The following GMEB1 variants were observed in gnomAD, a reference collection of about 807,000 sequenced individuals.
GMEB1 encodes the protein glucocorticoid modulatory element binding protein 1, also known as glucocorticoid modulatory element-binding protein 1.
In GMEB1, 6 loss-of-function variants were observed where a neutral mutation model predicts 52.4. The observed-to-expected ratio is 0.11, with a 90% CI of 0.06 to 0.23. The LOEUF (loss-of-function observed/expected upper bound fraction) is 0.23, where lower values mean the gene tolerates loss of function less well. Ranked by LOEUF, GMEB1 falls within the 10% of genes least tolerant of loss-of-function variation. The pLI is 1.00. For missense variants in GMEB1, 486 were observed against 685.6 expected, an observed-to-expected ratio of 0.71 and a Z score of 3.25; for synonymous variants, 255 against 244.9, an observed-to-expected ratio of 1.04 and a Z score of -0.38.
At chr1:28,705,911 T>C (rs1218848502) in intron 8 of GMEB1, among the ~76,000 whole-genome samples, 4 of 151,196 alleles carry the variant, frequency 2.6e-5, no homozygotes, top group Non-Finnish European at 5.9e-5. Context: ...TCCCAGCACT[T>C]TGGGAGGCCA....
At chr1:28,689,826 T>C (rs955462582) in intron 2 of GMEB1, 1 of 299,050 alleles carries the variant, frequency 3.3e-6, no homozygotes, top group Non-Finnish European at 6.1e-6. Context: ...AAAAGTCTGG[T>C]GTAATACAGT....
intron 1 of GMEB1, among the ~76,000 whole-genome samples, chr1:28,670,053 T>A (rs1314082618): frequency 1.3e-5 from 2 of 152,154 alleles, no homozygotes; most frequent in African/African-American, 4.8e-5. Flanking sequence ...TCAAGACGGG[T>A]TTTAGGAAAA....
At chr1:28,682,196 A>G (rs1669421291) in intron 1 of GMEB1, among the ~76,000 whole-genome samples, 1 of 152,170 alleles carries the variant, frequency 6.6e-6, no homozygotes, top group Non-Finnish European at 1.5e-5. Context: ...CTGAGTTTTC[A>G]TTAAGATTGG....
At chr1:28,713,959 C>T (rs1671172601) in intron 9 of GMEB1, 114 bp from the exon 10 acceptor site, 2 of 748,042 alleles carry the variant, frequency 2.7e-6, no homozygotes, top group South Asian at 3.4e-5. Flanking sequence ...TCACAACTTG[C>T]CTGAAGCTAC....
In GMEB1 at chr1:28,719,326, C is replaced by T. The variant is rs1671346279; in HGVS notation, c.*4553C>T. 2.0e-5 allele frequency: 3 copies of T among 152,162 alleles called. No individual in the cohort carries two copies. Among genetic ancestry groups the T allele is most frequent in the Admixed American group, 2.0e-4 (3 of 15,260 alleles). The allele number at this position is 152,162 out of a possible 1,614,324, so 9.4% of individuals were successfully genotyped here. A position where few individuals can be genotyped will look rare whatever the true frequency, so the allele number is the denominator to read the frequency against. On this transcript the variant is annotated 3_prime_UTR_variant, in exon 10 of 10. Transcript: ENST00000373816. ...CAGTCATTCTGAAGTAAAAAATGGA[C>T]AATAAACATGAATATTCAAGATTCA...
In GMEB1 at chr1:28,690,129, A is replaced by G. The variant is rs748055923; in HGVS notation, c.154A>G (p.Asn52Asp). Residue 52 changes from asparagine to aspartate, a missense_variant, in exon 3 of 10, where the codon AAC (asparagine) becomes GAC (aspartate). Physicochemically the swap from Asn to Asp is conservative, Grantham distance 23 (BLOSUM62 1). Around this residue, in one of 5 missense-constraint regions of GMEB1, gnomAD observed 88 missense variants for 96.5 expected, o/e 0.91. Transcript: ENST00000373816. ...QGIYEAGSEN[N>D]TAVVAVETHT... ...GATTTATGAAGCTGGGTCGGAGAAC[A>G]ACACGGCAGTTGTAGCAGTAGAAAC... 3 of 1,605,634 alleles carry G rather than the reference A, an allele frequency of 1.9e-6. No individual in the cohort carries two copies. In the South Asian group the frequency reaches 3.4e-5, roughly 18 times the overall value.
At chr1:28,669,698 G>T (rs1668795874) in intron 1 of GMEB1, among the ~76,000 whole-genome samples, 1 of 152,114 alleles carries the variant, frequency 6.6e-6, no homozygotes, top group African/African-American at 2.4e-5. Context: ...GTGTCTAGGT[G>T]CCTCTTGATG....
rs1670643545 is a variant in GMEB1, at chr1:28,704,213, A to T, written c.752A>T (p.Lys251Ile). The T allele has an allele frequency of 6.2e-7, 1 of 1,612,540 alleles. No homozygotes were observed. Among genetic ancestry groups the T allele is most frequent in the African/African-American group, 1.3e-5 (1 of 74,790 alleles). The change falls in exon 8 of 10, where the codon AAA (lysine) becomes ATA (isoleucine). Residue 251 changes from lysine to isoleucine, a missense_variant. Around this residue, in one of 5 missense-constraint regions of GMEB1, gnomAD observed 200 missense variants for 253.5 expected, o/e 0.79. Transcript: ENST00000373816. The stretch of plus-strand genomic sequence containing the variant: ...CCAGAGGACACTTTGATGTTCTGGA[A>T]AGGAATAGCTGATGTAGGGCTGATG... ...EISEDTLMFWKGIADVGLMEE... is the reference protein window; with the variant it reads ...EISEDTLMFWIGIADVGLMEE...
At chr1:28,711,281 T>G (rs10799119) in intron 9 of GMEB1, among the ~76,000 whole-genome samples, 55,373 of 147,392 alleles carry the variant, frequency 0.38, 12,032 homozygotes, top group East Asian at 0.76. Context: ...AACGAGACTC[T>G]GTCTCAAAAA....
intron 1 of GMEB1, among the ~76,000 whole-genome samples, chr1:28,674,668 T>C (rs1016105300): frequency 2.0e-5 from 3 of 151,256 alleles, no homozygotes; most frequent in Non-Finnish European, 4.4e-5. Context: ...GTGCTGGGAT[T>C]ACAGGTGTGG....
chr1:28,707,503 A>G (rs1356455017), intron 8 of GMEB1, among the ~76,000 whole-genome samples: 1 of 152,038 alleles, frequency 6.6e-6, no homozygotes, highest in Non-Finnish European at 1.5e-5. Context: ...ATGTATTTTG[A>G]ATGTCGAACT....
chr1:28,672,170 A>G (rs1251564795), intron 1 of GMEB1, among the ~76,000 whole-genome samples: 2 of 149,584 alleles, frequency 1.3e-5, no homozygotes, highest in Non-Finnish European at 3.0e-5. Context: ...TCTCGTACTC[A>G]TTTTTACTTT....
At chr1:28,691,297 CAAAAAAGA>C (rs766007544) in intron 3 of GMEB1, among the ~76,000 whole-genome samples, 2 of 151,302 alleles carry the variant, frequency 1.3e-5, no homozygotes, top group East Asian at 1.9e-4. Flanking sequence ...GACTCCATCT[CAAAAAAGA>C]AAAAAAGAAA....
intron 1 of GMEB1, among the ~76,000 whole-genome samples, chr1:28,672,958 C>T (rs1668970445): frequency 1.3e-5 from 2 of 150,654 alleles, no homozygotes; most frequent in Non-Finnish European, 1.5e-5. Context: ...TGCAGTGGCG[C>T]GATCTCGGCT....
At chr1:28,684,487 C>T (rs1272742696) in intron 2 of GMEB1, among the ~76,000 whole-genome samples, 4 of 146,468 alleles carry the variant, frequency 2.7e-5, no homozygotes, top group African/African-American at 7.5e-5. Flanking sequence ...GGCGTGAACC[C>T]GGGAGGCGGA....
chr1:28,674,886 T>A (rs901221077), intron 1 of GMEB1, among the ~76,000 whole-genome samples: 9 of 141,588 alleles, frequency 6.4e-5, no homozygotes, highest in Non-Finnish European at 1.1e-4. Context: ...GCCCGGCTAA[T>A]TTTTTGTATT....
chr1:28,698,689 A>AAT (rs1553138205), intron 6 of GMEB1, among the ~76,000 whole-genome samples: 1 of 150,874 alleles, frequency 6.6e-6, no homozygotes, highest in Non-Finnish European at 1.5e-5. Flanking sequence ...AAAAAAAAAA[A>AAT]GAAAAATGCT....
chr1:28,684,067 G>A (rs997280012), intron 2 of GMEB1, among the ~76,000 whole-genome samples: 1 of 151,954 alleles, frequency 6.6e-6, no homozygotes, highest in Non-Finnish European at 1.5e-5. Context: ...GCAGTGGTGC[G>A]ATCATAGCTC....
intron 1 of GMEB1, among the ~76,000 whole-genome samples, chr1:28,676,858 C>T (rs906677168): frequency 6.6e-6 from 1 of 152,088 alleles, no homozygotes; most frequent in East Asian, 1.9e-4. Flanking sequence ...TCAAGACCAG[C>T]CTGGCCAAGA....
Sources: gnomAD v4.1 joint callset for allele counts (sites outside exome capture counted in the v4.1 genomes callset) on GRCh38, gnomAD v4.1.1 for gene constraint, gnomAD v4.1.1 regional missense constraint, MANE v1.5 for transcripts, NCBI Gene and HGNC (gene_info 2026-07-23, HGNC 2026-07-21) for gene names.